PCDHA8: variants seen among roughly 807,000 people sequenced by gnomAD.
PCDHA8 encodes protocadherin alpha-8.
PCDHA8 carries 53 observed loss-of-function variants against 61.8 expected under a neutral mutation model. That is an observed-to-expected ratio of 0.86 (90% CI 0.69 to 1.08). The LOEUF is 1.08. Ranked by LOEUF, PCDHA8 falls within the 50% of genes least tolerant of loss-of-function variation. PCDHA8 has a pLI of 0.00. For missense variants in PCDHA8, 1,293 were observed against 1,245.0 expected, an observed-to-expected ratio of 1.04 and a Z score of -0.58; for synonymous variants, 618 against 556.6, an observed-to-expected ratio of 1.11 and a Z score of -1.55.
intron 1 of PCDHA8, among the ~76,000 whole-genome samples, chr5:140,948,168 T>G (rs1217978838): frequency 6.6e-6 from 1 of 151,636 alleles, no homozygotes; most frequent in Non-Finnish European, 1.5e-5. Flanking sequence ...AACCTTCCAT[T>G]CCTAGGGTAA....
intron 1 of PCDHA8, chr5:140,867,897 T>C (rs1402943903): frequency 6.6e-6 from 1 of 152,136 alleles, no homozygotes; most frequent in East Asian, 1.9e-4. Flanking sequence ...ATCAGGTACT[T>C]ACAGAAGGTA....
At chr5:140,990,084 C>T (rs31873) in intron 3 of PCDHA8, among the ~76,000 whole-genome samples, 3,615 of 152,028 alleles carry the variant, frequency 0.024, 147 homozygotes, top group African/African-American at 0.081. Flanking sequence ...ACAAAGGATG[C>T]TTGTGCTACT....
chr5:140,883,109 T>A (rs782237873), intron 1 of PCDHA8: 1 of 1,613,962 alleles, frequency 6.2e-7, no homozygotes, highest in Non-Finnish European at 8.5e-7. Context: ...AGTTTACTCA[T>A]TTAGAAGGCC....
intron 1 of PCDHA8, chr5:140,858,270 G>A (rs1554151358): frequency 6.3e-7 from 1 of 1,597,416 alleles, no homozygotes; most frequent in South Asian, 1.1e-5. Flanking sequence ...GTGTGCTCTA[G>A]CGCGGTGGGG....
chr5:140,971,468 A>C (rs938390548), intron 1 of PCDHA8, among the ~76,000 whole-genome samples: 7 of 152,174 alleles, frequency 4.6e-5, no homozygotes, highest in African/African-American at 7.2e-5. Context: ...AGTTATAGGG[A>C]GAGAGTGTCA....
intron 3 of PCDHA8, among the ~76,000 whole-genome samples, chr5:141,003,593 G>A (rs1291518572): frequency 6.6e-6 from 1 of 152,140 alleles, no homozygotes; most frequent in African/African-American, 2.4e-5. Flanking sequence ...GATTTTAGAT[G>A]TGAGCCACCA....
intron 3 of PCDHA8, among the ~76,000 whole-genome samples, chr5:141,003,459 GCAC>G (rs1442979686): frequency 6.6e-6 from 1 of 152,028 alleles, no homozygotes; most frequent in African/African-American, 2.4e-5. Context: ...TTACAGGCGT[GCAC>G]CACCACAGTC....
intron 1 of PCDHA8, chr5:140,858,460 C>T (rs1395067215): frequency 6.6e-7 from 1 of 1,525,828 alleles, no homozygotes; most frequent in African/African-American, 1.4e-5. Context: ...TTTTCATTTT[C>T]CTTTTGTGCT....
At position 140,843,775 on chromosome 5, in the gene PCDHA8, A is replaced by C. The variant is rs2150366589; in HGVS notation, c.2394+60A>C. On this transcript the variant is annotated intron_variant, in intron 1 of 3. Coordinates refer to ENST00000531613, the MANE Select transcript of PCDHA8 (RefSeq NM_018911.3). The stretch of plus-strand genomic sequence containing the variant: ...ATTTGTGGAAATTGTAGTTACTTTA[A>C]AAGTGTTTCAGATTTAGTTTTTCAC... 8 of 1,450,698 alleles carry C rather than the reference A, an allele frequency of 5.5e-6. No homozygotes were observed. In the South Asian group the frequency reaches 1.0e-4, roughly 18 times the overall value. The allele number at this position is 1,450,698 out of a possible 1,614,324, so 89.9% of individuals were successfully genotyped here.
chr5:140,861,377 G>T (rs2046888604), intron 1 of PCDHA8: 1 of 418,518 alleles, frequency 2.4e-6, no homozygotes, highest in South Asian at 2.0e-5. Context: ...TCCCTATTGC[G>T]CAGGACCTGG....
At chr5:140,877,048 G>A (rs376952553) in intron 1 of PCDHA8, 2 of 1,612,558 alleles carry the variant, frequency 1.2e-6, no homozygotes, top group East Asian at 2.2e-5. Flanking sequence ...GCTAGACCAC[G>A]AGGAGCTGGA....
At chr5:140,993,509 CGGGGAGAGAGAG>C (rs1563592888) in intron 3 of PCDHA8, among the ~76,000 whole-genome samples, 1 of 143,490 alleles carries the variant, frequency 7.0e-6, no homozygotes, top group Admixed American at 7.0e-5. Context: ...CACACACACA[CGGGGAGAGAGAG>C]ACAGAGAGAG....
intron 1 of PCDHA8, chr5:140,864,603 C>A (rs1230930036): frequency 3.3e-5 from 5 of 152,210 alleles, no homozygotes; most frequent in Non-Finnish European, 7.3e-5. Flanking sequence ...AGATAGCCAA[C>A]AACTTTGTTC....
At chr5:141,006,894 A>G (rs781832084) in intron 3 of PCDHA8, among the ~76,000 whole-genome samples, 6 of 152,212 alleles carry the variant, frequency 3.9e-5, no homozygotes, top group African/African-American at 7.2e-5. Context: ...TTGATTTCAG[A>G]TTTCTTCAGT....
In PCDHA8 at chr5:140,982,542, A is replaced by T; in HGVS notation, c.2521A>T (p.Thr841Ser). 6.2e-7 allele frequency: 1 copy of T among 1,614,210 alleles called. No individual in the cohort carries two copies. Among genetic ancestry groups the T allele is most frequent in the Non-Finnish European group, 8.5e-7 (1 of 1,180,042 alleles). The change falls in exon 3 of 4, where the codon ACA becomes TCA. Residue 841 changes from threonine (T) to serine (S), a missense_variant. Transcript: ENST00000531613. ...AGGAGGGCCTGATCAGCAGTGGCCA[A>T]CAGTATCCAGTGCAACACCAGGTAA... is the stretch of plus-strand genomic sequence containing the variant. The part of the protein sequence containing the change: ...GPGGPDQQWP[T>S]VSSATPEPEA...
At position 140,950,404 on chromosome 5, in the gene PCDHA8, T is replaced by C. The variant is rs947428237; in HGVS notation, c.2395-28545T>C. ...TTGAATGATATAGAATTCTGGGGGATTGACAGATTTTATTTTCTTCCACTT... is the reference window on the plus strand; with the variant it reads ...TTGAATGATATAGAATTCTGGGGGACTGACAGATTTTATTTTCTTCCACTT... On this transcript the variant is annotated intron_variant, in intron 1 of 3. Coordinates refer to ENST00000531613, the MANE Select transcript of PCDHA8 (RefSeq NM_018911.3). 2.0e-5 allele frequency among the ~76,000 whole-genome samples: 3 copies of C among 152,044 alleles called. 1 individual carries two copies. Among genetic ancestry groups the C allele is most frequent in the East Asian group, 1.9e-4 (1 of 5,204 alleles).
chr5:140,871,598 G>A (rs2053214620), intron 1 of PCDHA8: 1 of 1,452,006 alleles, frequency 6.9e-7, no homozygotes, highest in African/African-American at 1.4e-5. Flanking sequence ...TGAATAACCA[G>A]TGTTTTGAAT....
chr5:140,921,002 C>T (rs909094860), intron 1 of PCDHA8, among the ~76,000 whole-genome samples: 4 of 151,934 alleles, frequency 2.6e-5, no homozygotes, highest in Admixed American at 6.6e-5. Context: ...TTTTCAGAGT[C>T]AGGGTCTTGC....
chr5:140,966,864 T>A, intron 1 of PCDHA8: 1 of 1,564,920 alleles, frequency 6.4e-7, no homozygotes. Flanking sequence ...CTGCTGTTGC[T>A]GCTGCTGCTA....
Sources: gnomAD v4.1 joint callset for allele counts (sites outside exome capture counted in the v4.1 genomes callset) on GRCh38, gnomAD v4.1.1 for gene constraint, MANE v1.5 for transcripts, NCBI Gene and HGNC (gene_info 2026-07-23, HGNC 2026-07-21) for gene names.